THSD7A: variants seen among roughly 807,000 people sequenced by gnomAD.
THSD7A encodes thrombospondin type-1 domain-containing protein 7A.
A neutral mutation model predicts 231.3 loss-of-function variants in THSD7A; 96 were observed. The observed-to-expected ratio is 0.41, with a 90% CI of 0.35 to 0.49. The LOEUF is 0.49. Ranked by LOEUF, THSD7A falls within the 20% of genes least tolerant of loss-of-function variation. The pLI, the probability that THSD7A is intolerant of heterozygous loss-of-function variation, is 0.05. For missense variants in THSD7A, 2,290 were observed against 2,070.2 expected (o/e 1.11, Z -2.06); for synonymous variants, 940 against 743.3 (o/e 1.26, Z -4.30).
At chr7:11,478,501 A>T (rs1382536953) in intron 7 of THSD7A, among the ~76,000 whole-genome samples, 1 of 152,146 alleles carries the variant, frequency 6.6e-6, no homozygotes, top group East Asian at 1.9e-4. Flanking sequence ...GCTGGCACAG[A>T]TGCCCAGCTG....
At chr7:11,603,726 T>C (rs1348915769) in intron 2 of THSD7A, among the ~76,000 whole-genome samples, 4 of 151,152 alleles carry the variant, frequency 2.6e-5, no homozygotes, top group Non-Finnish European at 5.9e-5. Flanking sequence ...ATGTCCTTTG[T>C]AGGGACATGG....
chr7:11,567,086 T>C (rs1349978685), intron 4 of THSD7A, among the ~76,000 whole-genome samples: 1 of 151,898 alleles, frequency 6.6e-6, no homozygotes, highest in Non-Finnish European at 1.5e-5. Flanking sequence ...TAAAAGCTAA[T>C]AATCCTTTAG....
Position 11,735,157 on chromosome 7 carries a change from A to G in THSD7A, c.190+96600T>C, listed in dbSNP as rs530895057. ...GGAGTGTCACCAAATCATCCTGGGCAGGATTTTTCTTCTCTTCTATAGTCA... is the reference window on the plus strand; with the variant it reads ...GGAGTGTCACCAAATCATCCTGGGCGGGATTTTTCTTCTCTTCTATAGTCA... On this transcript the variant is annotated intron_variant, in intron 1 of 27. Coordinates refer to ENST00000423059, the MANE Select transcript of THSD7A (RefSeq NM_015204.3). 3.9e-5 allele frequency among the ~76,000 whole-genome samples: 6 copies of G among 152,036 alleles called. No homozygotes were observed. In the East Asian group the frequency reaches 1.2e-3, roughly 30 times the overall value.
At chr7:11,800,993 G>C (rs1365671794) in intron 1 of THSD7A, among the ~76,000 whole-genome samples, 2 of 152,000 alleles carry the variant, frequency 1.3e-5, no homozygotes, top group Non-Finnish European at 2.9e-5. Flanking sequence ...AAACATATAT[G>C]TCCAAACTCA....
intron 1 of THSD7A, among the ~76,000 whole-genome samples, chr7:11,801,353 C>A (rs1046023691): frequency 6.6e-6 from 1 of 152,048 alleles, no homozygotes; most frequent in African/African-American, 2.4e-5. Context: ...GAGAACTACT[C>A]TTTTCTAAGG....
intron 6 of THSD7A, among the ~76,000 whole-genome samples, chr7:11,533,440 T>C (rs1339421916): frequency 6.6e-6 from 1 of 152,144 alleles, no homozygotes; most frequent in Non-Finnish European, 1.5e-5. Flanking sequence ...AGCAGCTGGA[T>C]ACATATATTT....
At chr7:11,587,347 G>A (rs1410391647) in intron 4 of THSD7A, among the ~76,000 whole-genome samples, 1 of 152,146 alleles carries the variant, frequency 6.6e-6, no homozygotes, top group Non-Finnish European at 1.5e-5. Context: ...ACTGTCAGTA[G>A]GGAACTTGTC....
chr7:11,816,145 T>C (rs1784695250), intron 1 of THSD7A, among the ~76,000 whole-genome samples: 1 of 152,180 alleles, frequency 6.6e-6, no homozygotes, highest in Non-Finnish European at 1.5e-5. Context: ...AATAGTTTAT[T>C]TACACAGGAT....
At chr7:11,398,682 C>A (rs542697600) in intron 23 of THSD7A, among the ~76,000 whole-genome samples, 30 of 152,268 alleles carry the variant, frequency 2.0e-4, no homozygotes, top group African/African-American at 7.0e-4. Flanking sequence ...CAGACCCTGA[C>A]CCCAGCGATG....
intron 1 of THSD7A, among the ~76,000 whole-genome samples, chr7:11,735,251 T>C (rs1012213131): frequency 9.2e-5 from 14 of 151,880 alleles, no homozygotes; most frequent in Non-Finnish European, 1.5e-4. Flanking sequence ...TTCTATGGTG[T>C]TATAGTAATA....
At chr7:11,748,978 G>C (rs1782409261) in intron 1 of THSD7A, among the ~76,000 whole-genome samples, 1 of 151,940 alleles carries the variant, frequency 6.6e-6, no homozygotes, top group South Asian at 2.1e-4. Flanking sequence ...GCTGAGCGGG[G>C]AGGGGAGCAG....
chr7:11,667,136 A>T, intron 1 of THSD7A, among the ~76,000 whole-genome samples: 1 of 152,040 alleles, frequency 6.6e-6, no homozygotes, highest in South Asian at 2.1e-4. Flanking sequence ...ATGATTTCTG[A>T]CATTTAATGC....
At chr7:11,745,280 T>C (rs1782250673) in intron 1 of THSD7A, among the ~76,000 whole-genome samples, 2 of 152,156 alleles carry the variant, frequency 1.3e-5, no homozygotes, top group Non-Finnish European at 2.9e-5. Context: ...GCCCACTTTT[T>C]GATGGGGTTG....
intron 4 of THSD7A, among the ~76,000 whole-genome samples, chr7:11,588,712 G>A (rs1042253058): frequency 6.6e-6 from 1 of 152,028 alleles, no homozygotes; most frequent in African/African-American, 2.4e-5. Flanking sequence ...GGACATAATT[G>A]ACATTCCAAA....
intron 7 of THSD7A, among the ~76,000 whole-genome samples, chr7:11,475,270 C>A (rs1786111856): frequency 6.6e-6 from 1 of 152,086 alleles, no homozygotes; most frequent in Admixed American, 6.6e-5. Context: ...ATTCCTTTGA[C>A]AGCAGACCAC....
chr7:11,406,542 T>A lies in THSD7A; in HGVS notation c.4063-68A>T. ...CTTCATTAGAGAGCTCATCACTTAG[T>A]TATCTCTGCACCACTGACTTTGATT... On this transcript the variant is annotated intron_variant, in intron 21 of 27. Transcript: ENST00000423059. This position sits in a 1 kb window ranked among gnomAD's most constrained non-coding sequence, Gnocchi z 4.7. 1 of 1,439,930 alleles carries A rather than the reference T, an allele frequency of 6.9e-7. No homozygotes were observed. The highest frequency in any genetic ancestry group is 9.3e-7 in the Non-Finnish European group (1 of 1,074,700). The allele number at this position is 1,439,930 out of a possible 1,614,324, so 89.2% of individuals were successfully genotyped here. A position where few individuals can be genotyped will look rare whatever the true frequency, so the allele number is the denominator to read the frequency against.
At chr7:11,535,730 T>C (rs1788889041) in intron 6 of THSD7A, among the ~76,000 whole-genome samples, 1 of 152,142 alleles carries the variant, frequency 6.6e-6, no homozygotes, top group Admixed American at 6.5e-5. Flanking sequence ...CATAATGGCC[T>C]TGTAATTTGT....
chr7:11,750,172 C>T (rs1382748237), intron 1 of THSD7A, among the ~76,000 whole-genome samples: 5 of 151,496 alleles, frequency 3.3e-5, no homozygotes, highest in South Asian at 2.1e-4. Flanking sequence ...TATAATATTT[C>T]GATGAGACAA....
chr7:11,441,252 A>T (rs150705711), intron 13 of THSD7A, among the ~76,000 whole-genome samples: 48 of 152,194 alleles, frequency 3.2e-4, no homozygotes, highest in African/African-American at 9.9e-4. Context: ...ATAAGTAAGT[A>T]AATTATATGG....
Sources: allele counts gnomAD v4.1 joint callset (sites outside exome capture counted in the v4.1 genomes callset), GRCh38; gene constraint gnomAD v4.1.1; non-coding constraint Gnocchi (gnomAD v3.1); transcripts MANE v1.5; gene names NCBI Gene and HGNC (gene_info 2026-07-23, HGNC 2026-07-21).